SCN4A: variants seen among roughly 807,000 people sequenced by gnomAD.
SCN4A encodes sodium channel protein type 4 subunit alpha.
A neutral mutation model predicts 162.0 loss-of-function variants in SCN4A; 83 were observed. The ratio of observed to expected loss-of-function variants is 0.51; its 90% CI spans 0.43 to 0.61. The LOEUF (loss-of-function observed/expected upper bound fraction) is 0.61, where lower values mean the gene tolerates loss of function less well. Ranked by LOEUF, SCN4A falls within the 20% of genes least tolerant of loss-of-function variation. The pLI, the probability that SCN4A is intolerant of heterozygous loss-of-function variation, is 0.00. For synonymous variants in SCN4A, 944 were observed against 985.1 expected (o/e 0.96, Z 0.78); for missense variants, 2,196 against 2,462.5 (o/e 0.89, Z 2.29).
In SCN4A at chr17:63,968,322, G is replaced by A. The variant is rs80338951; in HGVS notation, c.737C>T (p.Ser246Leu). The change falls in exon 6 of 24, where the codon TCG (serine) becomes TTG (leucine). Residue 246 changes from serine to leucine, a missense_variant. Transcript: ENST00000435607. Reference sequence around the variant, plus strand: ...CATCACATCCGACAGCTTTTTCACCGACTGGATCAGGGCCCCCACGATCGT... The same window carrying A: ...CATCACATCCGACAGCTTTTTCACCAACTGGATCAGGGCCCCCACGATCGT... ...LKTIVGALIQSVKKLSDVMIL... is the reference protein window; with the variant it reads ...LKTIVGALIQLVKKLSDVMIL... 1.9e-6 allele frequency: 3 copies of A among 1,607,916 alleles called. No homozygotes were observed. The highest frequency in any genetic ancestry group is 2.6e-6 in the Non-Finnish European group (3 of 1,175,354).
intron 13 of SCN4A, among the ~76,000 whole-genome samples, chr17:63,953,457 G>A (rs931010134): frequency 2.0e-5 from 3 of 151,966 alleles, no homozygotes; most frequent in African/African-American, 7.3e-5. Flanking sequence ...CTGTTATTAT[G>A]TTTGAAATAA....
At chr17:63,966,073 G>A in intron 8 of SCN4A, 29 bp downstream of exon 8, 1 of 1,541,106 alleles carries the variant, frequency 6.5e-7, no homozygotes, top group Non-Finnish European at 8.8e-7. Context: ...TGGCTGTAGG[G>A]TTGGGGGGCA....
chr17:63,940,977 C>T lies in SCN4A; in HGVS notation c.5305G>A (p.Glu1769Lys). 2 of 1,613,288 alleles carry T rather than the reference C, an allele frequency of 1.2e-6. No individual in the cohort carries two copies. The highest frequency in any genetic ancestry group is 1.3e-5 in the African/African-American group (1 of 75,042). The change falls in exon 24 of 24, where the codon GAG becomes AAG. Residue 1769 changes from glutamate (E) to lysine (K), a missense_variant. Physicochemically the swap from Glu to Lys is moderately conservative, Grantham distance 56. Transcript: ENST00000435607. ...CTCATGGTGTTGGCAAGCAGCCCCT[C>T]CTTCTCAGGGGCGTCATCCCCGCTG... ...DGSGDDAPEK[E>K]GLLANTMSKM...
chr17:63,955,413 A>G (rs1047724335), intron 13 of SCN4A, among the ~76,000 whole-genome samples: 4 of 152,212 alleles, frequency 2.6e-5, no homozygotes, highest in Non-Finnish European at 4.4e-5. Context: ...GTGGCCAGGC[A>G]CTTTGGTAAG....
chr17:63,955,233 C>T (rs759985750), intron 13 of SCN4A, among the ~76,000 whole-genome samples: 1 of 152,202 alleles, frequency 6.6e-6, no homozygotes, highest in Non-Finnish European at 1.5e-5. Context: ...ATAACATTAC[C>T]TGTCTCATGG....
In SCN4A at chr17:63,944,768, G is replaced by A; in HGVS notation, c.3817C>T (p.Leu1273Phe). The change falls in exon 21 of 24, where the codon CTC (leucine) becomes TTC (phenylalanine). Residue 1273 changes from leucine to phenylalanine, a missense_variant. Coordinates refer to ENST00000435607, the MANE Select transcript of SCN4A (RefSeq NM_000334.4). The surrounding 1 kb of genome is among the most constrained non-coding windows in gnomAD (Gnocchi z 4.3). The stretch of plus-strand genomic sequence containing the variant: ...AAGATGATGAAGATGACAAAGTAGA[G>A]GTACATGTAGAGGTTCACCTCGTAC... ...PQYEVNLYMYLYFVIFIIFGS... is the reference protein window; with the variant it reads ...PQYEVNLYMYFYFVIFIIFGS... 3.1e-6 allele frequency: 5 copies of A among 1,613,944 alleles called. No individual in the cohort carries two copies. Among genetic ancestry groups the A allele is most frequent in the Non-Finnish European group, 4.2e-6 (5 of 1,179,870 alleles).
intron 13 of SCN4A, among the ~76,000 whole-genome samples, chr17:63,953,696 A>G (rs1026800198): frequency 1.3e-5 from 2 of 151,812 alleles, no homozygotes; most frequent in African/African-American, 4.8e-5. Context: ...AAAAAAAAAA[A>G]AAGAAAAAGA....
chr17:63,951,715 G>A lies in SCN4A; in HGVS notation c.2562C>T (p.Ile854=). The part of the protein sequence containing the change: ...LHGKILSPKD[I]MLSLGEADGA... ...CGTCAGCCTCCCCGAGGCTGAGCAT[G>A]ATGTCCTTGGGGCTCAGGATCTTGC... Residue 854 remains isoleucine, a synonymous_variant, in exon 14 of 24, where the codon ATC becomes ATT. Coordinates refer to ENST00000435607, the MANE Select transcript of SCN4A (RefSeq NM_000334.4). The surrounding 1 kb of genome is among the most constrained non-coding windows in gnomAD (Gnocchi z 4.5). 6.3e-7 allele frequency: 1 copy of A among 1,595,120 alleles called. No homozygotes were observed. Among genetic ancestry groups the A allele is most frequent in the Non-Finnish European group, 8.5e-7 (1 of 1,170,644 alleles).
rs1909175835 is a variant in SCN4A at position 63,959,415 on chromosome 17, T to C, written c.1869A>G (p.Ala623=). The change falls in exon 12 of 24, where the codon GCA becomes GCG. Residue 623 remains alanine (A), a synonymous_variant. Transcript: ENST00000435607. ...TGGCAATCAGCTTCAGAACCATCTC[T>C]GCTGTGAAGATGCCTGTGAAGACCT... The part of the protein sequence containing the change: ...GNLVFTGIFT[A]EMVLKLIAMD... 1 of 1,613,776 alleles carries C rather than the reference T, an allele frequency of 6.2e-7. No homozygotes were observed. Among genetic ancestry groups the C allele is most frequent in the Admixed American group, 1.7e-5 (1 of 59,986 alleles).
chr17:63,955,007 GGTGAAATGAATACAT>G (rs1909027901), intron 13 of SCN4A, among the ~76,000 whole-genome samples: 2 of 152,212 alleles, frequency 1.3e-5, no homozygotes, highest in Admixed American at 1.3e-4. Flanking sequence ...GTGAGGATGA[GGTGAAATGAATACAT>G]GTGAAGCACC....
At chr17:63,947,273 T>C (rs1004503542) in intron 17 of SCN4A, 106 bp from the exon 18 acceptor site, 1 of 1,430,472 alleles carries the variant, frequency 7.0e-7, no homozygotes. Flanking sequence ...TTGTCTCCCT[T>C]AGATCCCCTC....
chr17:63,961,030 C>T (rs1425726314), intron 11 of SCN4A, among the ~76,000 whole-genome samples, 163 bp downstream of exon 11: 3 of 147,178 alleles, frequency 2.0e-5, no homozygotes, highest in Non-Finnish European at 1.5e-5. Flanking sequence ...CCAAGTACCC[C>T]CCCCCACATC....
Position 63,971,248 on chromosome 17 carries a change from A to C in SCN4A, c.617T>G (p.Leu206Arg). 8.5e-7 allele frequency: 1 copy of C among 1,172,934 alleles called. No individual in the cohort carries two copies. The highest frequency in any genetic ancestry group is 1.2e-6 in the Non-Finnish European group (1 of 854,498). The allele number at this position is 1,172,934 out of a possible 1,614,324, so 72.7% of individuals were successfully genotyped here. A position where few individuals can be genotyped will look rare whatever the true frequency, so the allele number is the denominator to read the frequency against. ...LDFSVIMMAYLTEFVDLGNIS... is the reference protein window; with the variant it reads ...LDFSVIMMAYRTEFVDLGNIS... ...GTTGCCCAAGTCCACAAACTCTGTC[A>C]GGTACCTGGGTAGGGGGTGGAGGGG... The change falls in exon 5 of 24, where the codon CTG becomes CGG. Residue 206 changes from leucine to arginine, a missense_variant. By Grantham distance (102) the Leu-to-Arg change is moderately radical. Transcript: ENST00000435607.
In SCN4A at chr17:63,966,539, A is replaced by G. The variant is rs781021045; in HGVS notation, c.1042T>C (p.Phe348Leu). ...WDAYISDEGN[F>L]YFLEGSNDAL... ...TCGTTGGAGCCCTCCAGGAAGTAGA[A>G]GTTCCCTTTGGGAGTCAGAGGCCAC... The change falls in exon 7 of 24, where the codon TTC becomes CTC. Residue 348 changes from phenylalanine to leucine, a missense_variant. Physicochemically the swap from Phe to Leu is conservative, Grantham distance 22. Coordinates refer to ENST00000435607, the MANE Select transcript of SCN4A (RefSeq NM_000334.4). 1 of 1,613,738 alleles carries G rather than the reference A, an allele frequency of 6.2e-7. No individual in the cohort carries two copies. Among genetic ancestry groups the G allele is most frequent in the Non-Finnish European group, 8.5e-7 (1 of 1,179,770 alleles).
At chr17:63,971,087 G>T in intron 5 of SCN4A, 75 bp downstream of exon 5, 1 of 956,798 alleles carries the variant, frequency 1.0e-6, no homozygotes, top group Non-Finnish European at 1.6e-6. Context: ...TTGTGACACT[G>T]AGTCAGGTTC....
intron 18 of SCN4A, among the ~76,000 whole-genome samples, chr17:63,946,828 G>A (rs1041381147): frequency 1.1e-4 from 16 of 152,078 alleles, no homozygotes; most frequent in Non-Finnish European, 1.9e-4. Context: ...GGGCTGGATC[G>A]GGGGCTGAGA....
chr17:63,945,376 AG>A lies in SCN4A; in HGVS notation c.3703del (p.Leu1235SerfsTer33). ...CACACTCACCACCTGCAGGAGGGAG[AG>A]GTAGCCCAGACCCACGTTGTCGTAG... is the stretch of plus-strand genomic sequence containing the variant. ...VNYDNVGLGY[L>X]SLLQVATFKG... is the part of the protein sequence containing the mutation. On this transcript the variant is annotated frameshift_variant, in exon 19 of 24. Coordinates refer to ENST00000435607, the MANE Select transcript of SCN4A (RefSeq NM_000334.4). LOFTEE classifies it high-confidence loss of function. This position sits in a 1 kb window ranked among gnomAD's most constrained non-coding sequence, Gnocchi z 4.4. 6.2e-7 allele frequency: 1 copy of A among 1,611,028 alleles called. No homozygotes were observed. The highest frequency in any genetic ancestry group is 8.5e-7 in the Non-Finnish European group (1 of 1,177,410).
At chr17:63,958,398 G>A (rs1036580299) in intron 12 of SCN4A, among the ~76,000 whole-genome samples, 2 of 152,142 alleles carry the variant, frequency 1.3e-5, no homozygotes, top group African/African-American at 4.8e-5. Context: ...GAAATTATAT[G>A]TTGGGATTTG....
At position 63,948,081 on chromosome 17, in the gene SCN4A, A is replaced by C. The variant is rs889507540; in HGVS notation, c.3145-18T>G. 6.3e-7 allele frequency: 1 copy of C among 1,582,476 alleles called. No individual in the cohort carries two copies. The highest frequency in any genetic ancestry group is 1.3e-5 in the African/African-American group (1 of 74,220). On this transcript the variant is annotated intron_variant, in intron 16 of 23. Coordinates refer to ENST00000435607, the MANE Select transcript of SCN4A (RefSeq NM_000334.4). Reference sequence around the variant, plus strand: ...TCGAAGGCCTGGGGGCACCAGCACCACCAGGGTGGCTGGGGTCCAGCAGGC... The same window carrying C: ...TCGAAGGCCTGGGGGCACCAGCACCCCCAGGGTGGCTGGGGTCCAGCAGGC...
Sources: gnomAD v4.1 joint callset for allele counts (sites outside exome capture counted in the v4.1 genomes callset) on GRCh38, gnomAD v4.1.1 for gene constraint, Gnocchi (gnomAD v3.1) non-coding constraint, MANE v1.5 for transcripts, NCBI Gene and HGNC (gene_info 2026-07-23, HGNC 2026-07-21) for gene names.